The following PDE3B variants were observed in gnomAD, a reference collection of about 807,000 sequenced individuals.
PDE3B encodes phosphodiesterase 3B, also known as cGMP-inhibited 3',5'-cyclic phosphodiesterase 3B.
PDE3B carries 66 observed loss-of-function variants against 116.8 expected under a neutral mutation model. That is an observed-to-expected ratio of 0.56 (90% confidence interval 0.46 to 0.69). The LOEUF is 0.69. Ranked by LOEUF, PDE3B falls within the 30% of genes least tolerant of loss-of-function variation. The probability of loss-of-function intolerance (pLI) is 0.00; values close to 1 mark genes in which losing one functional copy is unlikely to be tolerated. For synonymous variants in PDE3B, 595 were observed against 533.6 expected (o/e 1.12, Z -1.59); for missense variants, 1,384 against 1,368.1 (o/e 1.01, Z -0.18).
At chr11:14,893,550 A>G in the PDE3B span, among the ~76,000 whole-genome samples, 3 of 152,196 alleles carry the variant, frequency 2.0e-5, no homozygotes, top group Admixed American at 6.5e-5. Flanking sequence ...CATTCTTTCT[A>G]GAGACTGTAG....
intron 2 of PDE3B, among the ~76,000 whole-genome samples, chr11:14,784,772 A>G (rs1302072590): frequency 2.0e-5 from 3 of 152,110 alleles, no homozygotes; most frequent in East Asian, 1.9e-4. Context: ...TTTTTTTTAC[A>G]TGAGGTATTC....
chr11:14,772,957 T>C (rs1820346136), intron 2 of PDE3B: 1 of 151,982 alleles, frequency 6.6e-6, no homozygotes, highest in Non-Finnish European at 1.5e-5. Flanking sequence ...ATGCCTTTTA[T>C]TTCTTTTTCT....
intron 1 of PDE3B, chr11:14,674,297 C>T: frequency 1.9e-6 from 2 of 1,033,486 alleles, no homozygotes; most frequent in South Asian, 2.5e-5. Flanking sequence ...ATCGTCTTCC[C>T]CTCTGCATAC....
rs867616732 is a variant in PDE3B at position 14,660,925 on chromosome 11, A to T, written c.978+15872A>T. ...CCAAAAAACACATGAAAAAATGCTC[A>T]TCATCACTGGCCATCAGAGAAATGC... is the stretch of plus-strand genomic sequence containing the variant. On this transcript the variant is annotated intron_variant, in intron 1 of 15. Transcript: ENST00000282096. Among the ~76,000 whole-genome samples the T allele has an allele frequency of 2.6e-5, 4 of 152,368 alleles. No homozygotes were observed. In the Middle Eastern group the frequency reaches 0.01, roughly 389 times the overall value.
chr11:14,806,641 C>T (rs537526381), intron 5 of PDE3B, among the ~76,000 whole-genome samples: 26 of 151,298 alleles, frequency 1.7e-4, no homozygotes, highest in East Asian at 5.9e-4. Flanking sequence ...GGGCGGATCA[C>T]GAGGTCAGGA....
intron 1 of PDE3B, among the ~76,000 whole-genome samples, chr11:14,696,135 A>G (rs1236073330): frequency 2.0e-5 from 3 of 152,132 alleles, no homozygotes; most frequent in Non-Finnish European, 4.4e-5. Flanking sequence ...ACCATGTAAA[A>G]GTGTTCCTGT....
chr11:14,710,779 C>T (rs1855677918), intron 1 of PDE3B, among the ~76,000 whole-genome samples: 1 of 152,180 alleles, frequency 6.6e-6, no homozygotes, highest in African/African-American at 2.4e-5. Context: ...CTTCCTATAG[C>T]TCTTCTTTCA....
At chr11:14,660,703 A>T (rs1419781660) in intron 1 of PDE3B, among the ~76,000 whole-genome samples, 1 of 152,174 alleles carries the variant, frequency 6.6e-6, no homozygotes, top group East Asian at 1.9e-4. Flanking sequence ...GCTAATAGGA[A>T]TAGCTTCTGA....
At chr11:14,855,611 A>G (rs1480213692) in intron 12 of PDE3B, among the ~76,000 whole-genome samples, 1 of 152,170 alleles carries the variant, frequency 6.6e-6, no homozygotes. Flanking sequence ...ATTCTAGTAC[A>G]GCAAGAAAAT....
chr11:14,863,851 T>C (rs1324025493), intron 14 of PDE3B, among the ~76,000 whole-genome samples: 2 of 152,130 alleles, frequency 1.3e-5, no homozygotes, highest in East Asian at 1.9e-4. Flanking sequence ...CTCAAAAACA[T>C]ACCAAATTGT....
At chr11:14,688,112 TTTC>T (rs1854931861) in intron 1 of PDE3B, among the ~76,000 whole-genome samples, 1 of 120,544 alleles carries the variant, frequency 8.3e-6, no homozygotes, top group African/African-American at 3.0e-5. Flanking sequence ...TCTCTCTCTC[TTTC>T]TCTCTCTCTC....
At chr11:14,684,672 C>A (rs1218314794) in intron 1 of PDE3B, among the ~76,000 whole-genome samples, 2 of 152,170 alleles carry the variant, frequency 1.3e-5, no homozygotes, top group African/African-American at 2.4e-5. Context: ...GTCCTTATCT[C>A]AACCGCATAA....
the PDE3B span, among the ~76,000 whole-genome samples, chr11:14,888,880 A>G: frequency 2.0e-5 from 3 of 152,348 alleles, no homozygotes; most frequent in East Asian, 5.8e-4. Flanking sequence ...AAAATAATCG[A>G]TAAAGCCACT....
chr11:14,847,851 T>G (rs979686372), intron 12 of PDE3B, among the ~76,000 whole-genome samples: 14 of 151,938 alleles, frequency 9.2e-5, no homozygotes, highest in Non-Finnish European at 2.9e-5. Context: ...AATCAATAGC[T>G]TACCAACCAA....
chr11:14,815,716 AG>A (rs1394593703), intron 5 of PDE3B, among the ~76,000 whole-genome samples: 1 of 152,160 alleles, frequency 6.6e-6, no homozygotes, highest in Non-Finnish European at 1.5e-5. Context: ...CATGAACACC[AG>A]GGGGCAAGGG....
chr11:14,880,029 A>G, the PDE3B span: 3 of 1,067,690 alleles, frequency 2.8e-6, no homozygotes, highest in Non-Finnish European at 4.1e-6. Flanking sequence ...CTTGGCTGGC[A>G]TCGCAGGAGT....
chr11:14,648,065 T>C (rs2133743308), intron 1 of PDE3B, among the ~76,000 whole-genome samples: 1 of 151,966 alleles, frequency 6.6e-6, no homozygotes, highest in South Asian at 2.1e-4. Context: ...CAGAAACTAA[T>C]AGGAAGTTTA....
chr11:14,847,399 G>A (rs370062044), intron 12 of PDE3B, among the ~76,000 whole-genome samples: 9 of 151,234 alleles, frequency 6.0e-5, no homozygotes, highest in East Asian at 5.8e-4. Context: ...GAAAGATCCA[G>A]AATTGACACC....
At chr11:14,820,718 T>C (rs1211304283) in intron 7 of PDE3B, among the ~76,000 whole-genome samples, 1 of 152,064 alleles carries the variant, frequency 6.6e-6, no homozygotes, top group East Asian at 1.9e-4. Flanking sequence ...AGTTCCCTTA[T>C]AAAAGAACCC....
Sources: allele counts gnomAD v4.1 joint callset (sites outside exome capture counted in the v4.1 genomes callset), GRCh38; gene constraint gnomAD v4.1.1; transcripts MANE v1.5; gene names NCBI Gene and HGNC (gene_info 2026-07-23, HGNC 2026-07-21).